Variants in ADAMTS16 observed in about 807,000 individuals in gnomAD.
ADAMTS16 encodes the protein ADAM metallopeptidase with thrombospondin type 1 motif 16, also known as A disintegrin and metalloproteinase with thrombospondin motifs 16.
In ADAMTS16, 94 loss-of-function variants were observed where a neutral mutation model predicts 145.8. That is an observed-to-expected ratio of 0.64 (90% CI 0.55 to 0.77). The LOEUF (loss-of-function observed/expected upper bound fraction) is 0.77, where lower values mean the gene tolerates loss of function less well. ADAMTS16 is among the 30% of genes least tolerant of loss of function. ADAMTS16 has a pLI of 0.00. For synonymous variants in ADAMTS16, 659 were observed against 604.3 expected (o/e 1.09, Z -1.33); for missense variants, 1,585 against 1,591.5 (o/e 1.00, Z 0.07).
At chr5:5,191,340 T>A (rs879001142) in intron 7 of ADAMTS16, among the ~76,000 whole-genome samples, 2 of 152,158 alleles carry the variant, frequency 1.3e-5, no homozygotes, top group Admixed American at 1.3e-4. Flanking sequence ...CATAGGTGTT[T>A]AGAATAAGGC....
chr5:5,208,981 G>T, intron 9 of ADAMTS16, 112 bp from the exon 10 acceptor site: 1 of 1,211,790 alleles, frequency 8.3e-7, no homozygotes, highest in Non-Finnish European at 1.1e-6. Flanking sequence ...TCTCCTCTTT[G>T]TATACACAAT....
chr5:5,140,511 G>T lies in ADAMTS16; in HGVS notation c.44G>T (p.Trp15Leu). 10 of 1,519,676 alleles carry T rather than the reference G, an allele frequency of 6.6e-6. No homozygotes were observed. Among genetic ancestry groups the T allele is most frequent in the Non-Finnish European group, 8.7e-6 (10 of 1,144,056 alleles). 94.1% of individuals were successfully genotyped at this position (1,519,676 alleles called of 1,614,324 possible). A position where few individuals can be genotyped will look rare whatever the true frequency, so the allele number is the denominator to read the frequency against. The change falls in exon 1 of 23, where the codon TGG (tryptophan) becomes TTG (leucine). Residue 15 changes from tryptophan to leucine, a missense_variant. Trp to Leu is a moderately conservative substitution (Grantham distance 61). This residue lies in a region of ADAMTS16 where 453 missense variants were observed against 412.1 expected (regional missense o/e 1.10). Transcript: ENST00000274181. ...GGATGGCGGGGCTTGGCGGCGCTGTGGATGCTGTTGGCGCAGGTGGCCGAG... is the reference window on the plus strand; with the variant it reads ...GGATGGCGGGGCTTGGCGGCGCTGTTGATGCTGTTGGCGCAGGTGGCCGAG... ...ARGWRGLAALWMLLAQVAEQA... is the reference protein window; with the variant it reads ...ARGWRGLAALLMLLAQVAEQA...
chr5:5,140,713 G>C lies in ADAMTS16; in HGVS notation c.122G>C (p.Ser41Thr). Residue 41 changes from serine (S) to threonine (T), a missense_variant, in exon 2 of 23, where the codon AGC becomes ACC. Physicochemically the swap from Ser to Thr is moderately conservative, Grantham distance 58. Coordinates refer to ENST00000274181, the MANE Select transcript of ADAMTS16 (RefSeq NM_139056.4). Reference sequence around the variant, plus strand: ...GCAGCGGCAGCGCCTGGGAGCCCGAGCGTCCCGCGTCCTCCTCCACCCGCG... The same window carrying C: ...GCAGCGGCAGCGCCTGGGAGCCCGACCGTCCCGCGTCCTCCTCCACCCGCG... ...GPAAAAPGSP[S>T]VPRPPPPAER... The C allele has an allele frequency of 6.4e-7, 1 of 1,569,364 alleles. No individual in the cohort carries two copies. The highest frequency in any genetic ancestry group is 8.6e-7 in the Non-Finnish European group (1 of 1,159,436).
At chr5:5,260,676 T>C (rs561102143) in intron 17 of ADAMTS16, among the ~76,000 whole-genome samples, 6 of 152,232 alleles carry the variant, frequency 3.9e-5, no homozygotes, top group South Asian at 2.1e-4. Flanking sequence ...GCTTTGGAAC[T>C]TAGGAGAGCT....
chr5:5,274,737 G>GAT (rs34377817), intron 18 of ADAMTS16, among the ~76,000 whole-genome samples: 81,957 of 145,356 alleles, frequency 0.56, 22,647 homozygotes, highest in Admixed American at 0.68. Context: ...TGCACACACA[G>GAT]ATATATATAT....
At chr5:5,216,054 C>G (rs1032956932) in intron 10 of ADAMTS16, among the ~76,000 whole-genome samples, 1 of 151,494 alleles carries the variant, frequency 6.6e-6, no homozygotes, top group Non-Finnish European at 1.5e-5. Flanking sequence ...TGGGTAGATA[C>G]CCAGTAGTGG....
At position 5,320,224 on chromosome 5, in the gene ADAMTS16, T is replaced by G. The variant is rs2126545472; in HGVS notation, c.*1086T>G. 3.8e-6 allele frequency: 1 copy of G among 265,230 alleles called. No individual in the cohort carries two copies. The highest frequency in any genetic ancestry group is 7.2e-6 in the Non-Finnish European group (1 of 139,656). The allele number at this position is 265,230 out of a possible 1,614,324, so 16.4% of individuals were successfully genotyped here. A position where few individuals can be genotyped will look rare whatever the true frequency, so the allele number is the denominator to read the frequency against. On this transcript the variant is annotated 3_prime_UTR_variant, in exon 23 of 23. Coordinates refer to ENST00000274181, the MANE Select transcript of ADAMTS16 (RefSeq NM_139056.4). The surrounding 1 kb of genome is among the most constrained non-coding windows in gnomAD (Gnocchi z 5.1). The stretch of plus-strand genomic sequence containing the variant: ...GTGCGGCTGCTGTTCTCCTGTCCGG[T>G]GCTGTGGCTCCATTCCAAAGGGGCA...
At chr5:5,275,748 G>A (rs1738663085) in intron 18 of ADAMTS16, among the ~76,000 whole-genome samples, 1 of 151,820 alleles carries the variant, frequency 6.6e-6, no homozygotes, top group Non-Finnish European at 1.5e-5. Flanking sequence ...ATTATTTTTT[G>A]ACTCGGCTTA....
At chr5:5,206,377 G>C (rs1220428927) in intron 9 of ADAMTS16, among the ~76,000 whole-genome samples, 1 of 98,598 alleles carries the variant, frequency 1.0e-5, no homozygotes, top group Non-Finnish European at 1.8e-5. Flanking sequence ...AGTGAGCCGA[G>C]ATCCCGCCAC....
At chr5:5,240,027 G>T (rs1737239792) in intron 16 of ADAMTS16, 102 bp downstream of exon 16, 4 of 1,505,886 alleles carry the variant, frequency 2.7e-6, no homozygotes, top group African/African-American at 1.4e-5. Context: ...AATGTAAACA[G>T]TTATAAAAAG....
intron 18 of ADAMTS16, among the ~76,000 whole-genome samples, chr5:5,284,320 T>C (rs1179390992): frequency 2.0e-5 from 3 of 152,244 alleles, no homozygotes; most frequent in Non-Finnish European, 4.4e-5. Flanking sequence ...TTTGTTATAA[T>C]TGCTTGCAGT....
chr5:5,309,233 A>G (rs1319327153), intron 21 of ADAMTS16, among the ~76,000 whole-genome samples: 1 of 152,234 alleles, frequency 6.6e-6, no homozygotes, highest in Non-Finnish European at 1.5e-5. Context: ...GGCTGAAGCC[A>G]TCTCTGGATT....
intron 18 of ADAMTS16, among the ~76,000 whole-genome samples, chr5:5,277,264 A>G (rs1738738033): frequency 6.6e-6 from 1 of 152,168 alleles, no homozygotes; most frequent in South Asian, 2.1e-4. Context: ...CCATTCACCA[A>G]GACAGCTTTT....
intron 3 of ADAMTS16, among the ~76,000 whole-genome samples, chr5:5,164,677 C>T (rs912925401): frequency 1.2e-4 from 19 of 152,020 alleles, no homozygotes; most frequent in African/African-American, 4.6e-4. Flanking sequence ...TTTCTTTTTC[C>T]TTTTTTTCTT....
At chr5:5,237,789 G>T (rs1333700002) in intron 14 of ADAMTS16, among the ~76,000 whole-genome samples, 1 of 152,140 alleles carries the variant, frequency 6.6e-6, no homozygotes, top group Admixed American at 6.5e-5. Flanking sequence ...AGACAGGGAT[G>T]CAGGAGACAA....
chr5:5,211,391 T>C (rs1736269133), intron 10 of ADAMTS16, among the ~76,000 whole-genome samples: 1 of 152,186 alleles, frequency 6.6e-6, no homozygotes, highest in African/African-American at 2.4e-5. Flanking sequence ...GTAAGATCTA[T>C]AATGATATAT....
At chr5:5,304,576 G>A (rs1739948076) in intron 20 of ADAMTS16, among the ~76,000 whole-genome samples, 2 of 152,070 alleles carry the variant, frequency 1.3e-5, no homozygotes, top group Non-Finnish European at 2.9e-5. Context: ...CGCTCCTCAG[G>A]GAGGGACCCG....
At chr5:5,242,682 A>G (rs1315126613) in intron 17 of ADAMTS16, among the ~76,000 whole-genome samples, 1 of 152,190 alleles carries the variant, frequency 6.6e-6, no homozygotes, top group Non-Finnish European at 1.5e-5. Context: ...GAAAGTTCCA[A>G]TGAAAACATC....
At chr5:5,261,266 T>C (rs1738008398) in intron 17 of ADAMTS16, among the ~76,000 whole-genome samples, 1 of 151,708 alleles carries the variant, frequency 6.6e-6, no homozygotes, top group South Asian at 2.1e-4. Context: ...GCCTCCTGAG[T>C]ACGCGGGACT....
Sources: allele counts gnomAD v4.1 joint callset (sites outside exome capture counted in the v4.1 genomes callset), GRCh38; gene constraint gnomAD v4.1.1; regional missense constraint gnomAD v4.1.1; non-coding constraint Gnocchi (gnomAD v3.1); transcripts MANE v1.5; gene names NCBI Gene and HGNC (gene_info 2026-07-23, HGNC 2026-07-21).